STK33: variants seen among roughly 807,000 people sequenced by gnomAD.
The protein encoded by STK33 is serine/threonine kinase 33.
Under a neutral mutation model 58.0 loss-of-function variants are expected in STK33, and 52 were observed. That is an observed-to-expected ratio of 0.90 (90% CI 0.72 to 1.13). The LOEUF is 1.13. STK33 is among the 50% of genes most tolerant of loss of function. The pLI is 0.00. For missense variants in STK33, 630 were observed against 604.2 expected (o/e 1.04, Z -0.45); for synonymous variants, 215 against 200.1 (o/e 1.07, Z -0.63).
Position 8,461,848 on chromosome 11 carries a change from T to C in STK33, c.515A>G (p.His172Arg), listed in dbSNP as rs1947564392. ...TTGTTCCAGATGTATGATGTGTTCA[T>C]GTTTTACACTTTTCAGAATGTTCAC... ...REVNILKSVK[H>R]EHIIHLEQVF... Residue 172 changes from histidine to arginine, a missense_variant, in exon 8 of 16, where the codon CAT becomes CGT. By Grantham distance (29) the His-to-Arg change is conservative (BLOSUM62 0). Transcript: ENST00000687296. 1.9e-6 allele frequency: 3 copies of C among 1,603,606 alleles called. No individual in the cohort carries two copies. Among genetic ancestry groups the C allele is most frequent in the Non-Finnish European group, 2.6e-6 (3 of 1,176,056 alleles).
intron 15 of STK33, among the ~76,000 whole-genome samples, chr11:8,411,424 T>A (rs1195286794): frequency 1.3e-5 from 2 of 152,222 alleles, no homozygotes; most frequent in Non-Finnish European, 2.9e-5. Flanking sequence ...GGACCATTAT[T>A]TAGGGAAGGA....
intron 1 of STK33, among the ~76,000 whole-genome samples, chr11:8,482,355 C>T (rs1443297220): frequency 6.6e-6 from 1 of 152,084 alleles, no homozygotes. Flanking sequence ...GTTAGGAGTC[C>T]AGCAAAGAGC....
chr11:8,367,223 T>C, the STK33 span, among the ~76,000 whole-genome samples: 1,831 of 152,362 alleles, frequency 0.012, 38 homozygotes, highest in African/African-American at 0.041. Context: ...CTGTGCGCAC[T>C]ATGCATGCCA....
the STK33 span, among the ~76,000 whole-genome samples, chr11:8,340,865 G>GT: frequency 6.6e-6 from 1 of 152,100 alleles, no homozygotes; most frequent in Non-Finnish European, 1.5e-5. Context: ...TTTTGTTTTG[G>GT]TTTGTTTTTT....
chr11:8,426,070 T>A (rs1309493190), intron 14 of STK33, among the ~76,000 whole-genome samples: 1 of 152,228 alleles, frequency 6.6e-6, no homozygotes, highest in Non-Finnish European at 1.5e-5. Flanking sequence ...GACAGAGGGC[T>A]TTCTGTATCC....
chr11:8,547,282 T>C (rs1218555098), intron 1 of STK33, among the ~76,000 whole-genome samples: 1 of 152,222 alleles, frequency 6.6e-6, no homozygotes, highest in African/African-American at 2.4e-5. Context: ...TGGTGCAATC[T>C]CGGCTCACTG....
the STK33 span, among the ~76,000 whole-genome samples, chr11:8,380,968 T>A: frequency 7.2e-5 from 11 of 152,134 alleles, no homozygotes; most frequent in South Asian, 8.3e-4. Flanking sequence ...TTTGCAGCAA[T>A]TTGGATGGAG....
At chr11:8,383,667 A>G in the STK33 span, among the ~76,000 whole-genome samples, 1 of 152,220 alleles carries the variant, frequency 6.6e-6, no homozygotes, top group Non-Finnish European at 1.5e-5. Flanking sequence ...ATCAAGCGAT[A>G]AGGAGATTTG....
chr11:8,435,854 G>A (rs2136266067), intron 13 of STK33, among the ~76,000 whole-genome samples, 173 bp downstream of exon 13: 1 of 152,260 alleles, frequency 6.6e-6, no homozygotes, highest in South Asian at 2.1e-4. Context: ...GTTTTTGAAA[G>A]TTTTGATGAT....
At chr11:8,444,703 T>C (rs573410281) in intron 11 of STK33, among the ~76,000 whole-genome samples, 2 of 152,116 alleles carry the variant, frequency 1.3e-5, no homozygotes, top group East Asian at 3.9e-4. Flanking sequence ...AGAAACAATT[T>C]TCTAGAAAAA....
the STK33 span, among the ~76,000 whole-genome samples, chr11:8,350,450 C>T: frequency 2.0e-5 from 3 of 152,168 alleles, no homozygotes; most frequent in African/African-American, 4.8e-5. Context: ...CGGATGCCCC[C>T]GCCCTGCCCC....
the STK33 span, among the ~76,000 whole-genome samples, chr11:8,338,206 C>T: frequency 6.6e-6 from 1 of 152,152 alleles, no homozygotes; most frequent in Non-Finnish European, 1.5e-5. Context: ...CCAAGGCCAG[C>T]ATACCGGCTT....
intron 1 of STK33, among the ~76,000 whole-genome samples, chr11:8,515,108 G>C (rs929663211): frequency 4.0e-5 from 6 of 151,630 alleles, no homozygotes; most frequent in Admixed American, 6.6e-5. Flanking sequence ...TTAAATCAAG[G>C]AGAAAATACA....
intron 5 of STK33, among the ~76,000 whole-genome samples, chr11:8,474,371 C>T (rs1591355886): frequency 6.6e-6 from 1 of 152,120 alleles, no homozygotes; most frequent in South Asian, 2.1e-4. Context: ...GAAGAAAATA[C>T]TCAAAAATTC....
chr11:8,337,951 C>T, the STK33 span, among the ~76,000 whole-genome samples: 1 of 152,146 alleles, frequency 6.6e-6, no homozygotes, highest in Non-Finnish European at 1.5e-5. Context: ...CCCCGTATTC[C>T]GTGCTGCCCC....
At chr11:8,471,757 A>G (rs969865700) in intron 6 of STK33, among the ~76,000 whole-genome samples, 1 of 152,196 alleles carries the variant, frequency 6.6e-6, no homozygotes, top group African/African-American at 2.4e-5. Context: ...AATGTTAAAG[A>G]AAAATAAAAT....
chr11:8,395,776 C>T (rs531426722), intron 15 of STK33, among the ~76,000 whole-genome samples: 61 of 152,168 alleles, frequency 4.0e-4, no homozygotes, highest in Admixed American at 9.8e-4. Context: ...TGACATTTTG[C>T]ACGTTCGTAA....
Position 8,413,537 on chromosome 11 carries a change from G to A in STK33, c.1302C>T (p.Val434=), listed in dbSNP as rs752060364. The stretch of plus-strand genomic sequence containing the variant: ...CATCTGAAGTGTAATTGGCATCAGG[G>A]ACATTTCCCCAGGGTTGGTAACTTT... The part of the protein sequence containing the change: ...KLKSYQPWGN[V]PDANYTSDEE... Residue 434 remains valine (V), a synonymous_variant, in exon 15 of 16, where the codon GTC becomes GTT. Coordinates refer to ENST00000687296, the MANE Select transcript of STK33 (RefSeq NM_001352389.2). 2 of 1,613,858 alleles carry A rather than the reference G, an allele frequency of 1.2e-6. No homozygotes were observed. Among genetic ancestry groups the A allele is most frequent in the Admixed American group, 3.3e-5 (2 of 59,984 alleles).
chr11:8,382,255 T>A, the STK33 span, among the ~76,000 whole-genome samples: 1 of 152,240 alleles, frequency 6.6e-6, no homozygotes, highest in African/African-American at 2.4e-5. Context: ...ACACTGGACA[T>A]GTGGCATCTT....
Sources: gnomAD v4.1 joint callset for allele counts (sites outside exome capture counted in the v4.1 genomes callset) on GRCh38, gnomAD v4.1.1 for gene constraint, MANE v1.5 for transcripts, NCBI Gene and HGNC (gene_info 2026-07-23, HGNC 2026-07-21) for gene names.